Variants in CHMP4B observed in about 807,000 individuals in gnomAD.
CHMP4B encodes charged multivesicular body protein 4B, also known as SNF7 homolog associated with Alix 1.
A neutral mutation model predicts 25.1 loss-of-function variants in CHMP4B; 1 was observed. The ratio of observed to expected loss-of-function variants is 0.04; its 90% CI spans 0.01 to 0.19. The LOEUF (loss-of-function observed/expected upper bound fraction) is 0.19. Ranked by LOEUF, CHMP4B falls within the 10% of genes least tolerant of loss-of-function variation. CHMP4B has a pLI of 1.00. For synonymous variants in CHMP4B, 101 were observed against 115.6 expected (o/e 0.87, Z 0.81); for missense variants, 151 against 289.7 (o/e 0.52, Z 3.48).
At chr20:33,845,899 G>C (rs949671761) in intron 1 of CHMP4B, among the ~76,000 whole-genome samples, 4 of 152,210 alleles carry the variant, frequency 2.6e-5, no homozygotes, top group African/African-American at 9.7e-5. Context: ...TGGCAAAGGC[G>C]GTTCTGTAGA....
At chr20:33,822,425 G>A (rs1454988976) in intron 1 of CHMP4B, among the ~76,000 whole-genome samples, 1 of 152,194 alleles carries the variant, frequency 6.6e-6, no homozygotes, top group African/African-American at 2.4e-5. Flanking sequence ...GATTATAGGC[G>A]TGAGCCACCG....
At chr20:33,849,095 TA>T (rs1292077612) in intron 2 of CHMP4B, among the ~76,000 whole-genome samples, 1 of 152,218 alleles carries the variant, frequency 6.6e-6, no homozygotes, top group East Asian at 1.9e-4. Flanking sequence ...TCTCTGTTCC[TA>T]TGTCTGCTTT....
chr20:33,848,463 G>A lies in CHMP4B; in HGVS notation c.191-4G>A, dbSNP rs771650927. Reference sequence around the variant, plus strand: ...TCTGAAACCCTGTTTTCTCCCTCACGCAGCGGCCCTCCAGGCACTGAAGCG... The same window carrying A: ...TCTGAAACCCTGTTTTCTCCCTCACACAGCGGCCCTCCAGGCACTGAAGCG... On this transcript the variant is annotated splice_polypyrimidine_tract_variant and splice_region_variant and intron_variant, in intron 1 of 4. Transcript: ENST00000217402. 3 of 1,614,044 alleles carry A rather than the reference G, an allele frequency of 1.9e-6. No individual in the cohort carries two copies. In the East Asian group the frequency reaches 6.7e-5, roughly 36 times the overall value.
chr20:33,847,753 A>G (rs529769624), intron 1 of CHMP4B, among the ~76,000 whole-genome samples: 52 of 152,182 alleles, frequency 3.4e-4, no homozygotes, highest in Admixed American at 1.6e-3. Context: ...ATGCTGTAGT[A>G]GCCATCTTCA....
intron 1 of CHMP4B, among the ~76,000 whole-genome samples, chr20:33,816,861 A>G (rs759050785): frequency 6.6e-6 from 1 of 152,232 alleles, no homozygotes; most frequent in Non-Finnish European, 1.5e-5. Context: ...CAGTTCATTT[A>G]CAGGTTAATT....
rs775497905 is a variant in CHMP4B at position 33,851,116 on chromosome 20, G to A, written c.483+50G>A. 14 of 1,170,108 alleles carry A rather than the reference G, an allele frequency of 1.2e-5. No homozygotes were observed. The South Asian group carries it at 1.6e-4, about 13-fold the overall frequency. 72.5% of individuals were successfully genotyped at this position (1,170,108 alleles called of 1,614,324 possible). A position where few individuals can be genotyped will look rare whatever the true frequency, so the allele number is the denominator to read the frequency against. ...TAAGCTTCACAAATGATACCCTGAG[G>A]CTGTCCCTTGATGTGCTCTTGAAGG... On this transcript the variant is annotated intron_variant, in intron 3 of 4. Transcript: ENST00000217402.
chr20:33,846,773 C>G (rs1221207924), intron 1 of CHMP4B, among the ~76,000 whole-genome samples: 1 of 152,160 alleles, frequency 6.6e-6, no homozygotes, highest in Non-Finnish European at 1.5e-5. Flanking sequence ...GTCCAGAACT[C>G]CAGGACATGG....
chr20:33,811,678 T>A lies in CHMP4B; in HGVS notation c.190+20T>A, dbSNP rs559396192. 107 of 1,610,312 alleles carry A rather than the reference T, an allele frequency of 6.6e-5. No individual in the cohort carries two copies. The South Asian group carries it at 1.1e-3, about 16-fold the overall frequency. ...AGCGCGGTGAGGCTGCCCGGCCCCTTCAGACTTGCCACGGGCTCCCCCCAG... is the reference window on the plus strand; with the variant it reads ...AGCGCGGTGAGGCTGCCCGGCCCCTACAGACTTGCCACGGGCTCCCCCCAG... On this transcript the variant is annotated intron_variant, in intron 1 of 4. Coordinates refer to ENST00000217402, the MANE Select transcript of CHMP4B (RefSeq NM_176812.5).
intron 1 of CHMP4B, among the ~76,000 whole-genome samples, chr20:33,831,975 G>A (rs1390451723): frequency 1.3e-5 from 2 of 152,178 alleles, no homozygotes; most frequent in East Asian, 3.9e-4. Context: ...TGCCTCCTGG[G>A]CAAGGAAAAT....
intron 1 of CHMP4B, among the ~76,000 whole-genome samples, chr20:33,813,195 G>A (rs1193291922): frequency 2.0e-5 from 3 of 152,038 alleles, no homozygotes; most frequent in Non-Finnish European, 4.4e-5. Context: ...AAGCAGCATG[G>A]GAAAAGGCTC....
intron 4 of CHMP4B, among the ~76,000 whole-genome samples, chr20:33,853,218 G>C (rs965215279): frequency 6.6e-6 from 1 of 152,210 alleles, no homozygotes; most frequent in African/African-American, 2.4e-5. Flanking sequence ...TGGGACCGAA[G>C]CCTTGTGGGA....
intron 1 of CHMP4B, among the ~76,000 whole-genome samples, chr20:33,825,323 T>C (rs1601319251): frequency 1.3e-5 from 2 of 152,322 alleles, no homozygotes; most frequent in East Asian, 3.9e-4. Flanking sequence ...AAATGGTAGA[T>C]GGTCACATGG....
intron 1 of CHMP4B, among the ~76,000 whole-genome samples, chr20:33,826,329 T>C (rs1202855127): frequency 6.6e-6 from 1 of 152,042 alleles, no homozygotes; most frequent in Non-Finnish European, 1.5e-5. Flanking sequence ...GGTACAGAGA[T>C]TAGCATATGC....
In CHMP4B at chr20:33,847,164, G is replaced by A. The variant is rs146627048; in HGVS notation, c.191-1303G>A. Among the ~76,000 whole-genome samples the A allele has an allele frequency of 1.0e-3, 154 of 152,162 alleles. 1 individual carries two copies. Among genetic ancestry groups the A allele is most frequent in the African/African-American group, 3.2e-3 (134 of 41,488 alleles). On this transcript the variant is annotated intron_variant, in intron 1 of 4. Coordinates refer to ENST00000217402, the MANE Select transcript of CHMP4B (RefSeq NM_176812.5). ...GAGGGTGAGGGGAAGAATTACTTAT[G>A]GTGAATAAAGGATGTGTTGTTATGC...
Position 33,811,370 on chromosome 20 carries a change from A to G in CHMP4B, c.-99A>G. 4 of 1,035,594 alleles carry G rather than the reference A, an allele frequency of 3.9e-6. No individual in the cohort carries two copies. Among genetic ancestry groups the G allele is most frequent in the Non-Finnish European group, 4.9e-6 (4 of 809,768 alleles). The allele number at this position is 1,035,594 out of a possible 1,614,324, so 64.2% of individuals were successfully genotyped here. On this transcript the variant is annotated 5_prime_UTR_variant, in exon 1 of 5. Transcript: ENST00000217402. ...GGAGGAGAGGCCTGCGGCGGCAGGG[A>G]GCGGCGGGACTGGGAGCGGGCGCCG...
chr20:33,833,851 A>G (rs1005243198), intron 1 of CHMP4B, among the ~76,000 whole-genome samples: 6 of 152,164 alleles, frequency 3.9e-5, no homozygotes, highest in Admixed American at 6.5e-5. Flanking sequence ...TACATTGTCC[A>G]TATCTGCTGG....
At chr20:33,838,412 G>T (rs1046568755) in intron 1 of CHMP4B, among the ~76,000 whole-genome samples, 1 of 152,170 alleles carries the variant, frequency 6.6e-6, no homozygotes, top group African/African-American at 2.4e-5. Flanking sequence ...CTTCCAAAAG[G>T]GATGGCTGCT....
At chr20:33,818,093 A>G (rs1978831426) in intron 1 of CHMP4B, among the ~76,000 whole-genome samples, 1 of 152,196 alleles carries the variant, frequency 6.6e-6, no homozygotes, top group African/African-American at 2.4e-5. Context: ...AGGATGTGGA[A>G]TAAGTTGATG....
At chr20:33,828,503 T>G (rs1373723951) in intron 1 of CHMP4B, among the ~76,000 whole-genome samples, 1 of 152,180 alleles carries the variant, frequency 6.6e-6, no homozygotes, top group East Asian at 1.9e-4. Flanking sequence ...TAACTGGCAG[T>G]CAGTGGTGAG....
Sources: allele counts gnomAD v4.1 joint callset (sites outside exome capture counted in the v4.1 genomes callset), GRCh38; gene constraint gnomAD v4.1.1; transcripts MANE v1.5; gene names NCBI Gene and HGNC (gene_info 2026-07-23, HGNC 2026-07-21).